KLRD1: variants seen among roughly 807,000 people sequenced by gnomAD.
KLRD1 encodes the protein natural killer cells antigen CD94.
A neutral mutation model predicts 22.6 loss-of-function variants in KLRD1; 21 were observed. The observed-to-expected ratio is 0.93, with a 90% confidence interval of 0.66 to 1.34. The LOEUF (loss-of-function observed/expected upper bound fraction) is 1.34, where lower values mean the gene tolerates loss of function less well. KLRD1 is among the 40% of genes most tolerant of loss of function. The probability of loss-of-function intolerance (pLI) is 0.00; values close to 1 mark genes in which losing one functional copy is unlikely to be tolerated. For synonymous variants in KLRD1, 59 were observed against 71.1 expected, an observed-to-expected ratio of 0.83 and a Z score of 0.85; for missense variants, 183 against 208.6, an observed-to-expected ratio of 0.88 and a Z score of 0.76.
chr12:10,326,818 A>G lies in KLRD1; in HGVS notation c.*12025A>G, dbSNP rs1157148402. On this transcript the variant is annotated 3_prime_UTR_variant, in exon 6 of 6. Coordinates refer to ENST00000336164, the MANE Select transcript of KLRD1 (RefSeq NM_002262.5). ...AATGGGAGGCAGTTTTGCCCTAAGCAGTTCCCAGCTTGAATTTTCCCTTTT... is the reference window on the plus strand; with the variant it reads ...AATGGGAGGCAGTTTTGCCCTAAGCGGTTCCCAGCTTGAATTTTCCCTTTT... The G allele has an allele frequency of 6.6e-6, 1 of 152,246 alleles. No individual in the cohort carries two copies. The highest frequency in any genetic ancestry group is 2.4e-5 in the African/African-American group (1 of 41,468). 9.4% of individuals were successfully genotyped at this position (152,246 alleles called of 1,614,324 possible). A position where few individuals can be genotyped will look rare whatever the true frequency, so the allele number is the denominator to read the frequency against.
intron 1 of KLRD1, among the ~76,000 whole-genome samples, chr12:10,246,509 C>T (rs7953558): frequency 0.75 from 114,376 of 152,038 alleles, 43,587 homozygotes; most frequent in East Asian, 1. Context: ...GGGTAGGAAA[C>T]ATGATTTGTG....
At position 10,239,453 on chromosome 12, in the gene KLRD1, C is replaced by CCTTATT. The variant is rs1565443111; in HGVS notation, c.-101+13223_-101+13224insATTCTT. ...CCTTCCTTTCCTTCCTTCCTTCCTT[C>CCTTATT]CTTCCTTCCTTCCTTCCTTCCTTCC... On this transcript the variant is annotated intron_variant, in intron 1 of 5. Transcript: ENST00000544747. 2.8e-3 allele frequency among the ~76,000 whole-genome samples: 62 copies of CCTTATT among 21,996 alleles called. 2 individuals are homozygous for CCTTATT. The highest frequency in any genetic ancestry group is 0.015 in the South Asian group (6 of 392). The allele number at this position is 21,996 out of a possible 152,430, so 14.4% of individuals were successfully genotyped here. A position where few individuals can be genotyped will look rare whatever the true frequency, so the allele number is the denominator to read the frequency against.
intron 1 of KLRD1, among the ~76,000 whole-genome samples, chr12:10,246,257 AT>A (rs548308541): frequency 0.017 from 2,526 of 151,362 alleles, 35 homozygotes; most frequent in Non-Finnish European, 0.024. Flanking sequence ...AATTGTGGGG[AT>A]TTTTTTTTCA....
chr12:10,261,012 C>A (rs1243412228), intron 1 of KLRD1, among the ~76,000 whole-genome samples: 1 of 152,042 alleles, frequency 6.6e-6, no homozygotes, highest in Non-Finnish European at 1.5e-5. Context: ...GGAGCAATTG[C>A]CTTAGCAAAT....
intron 1 of KLRD1, among the ~76,000 whole-genome samples, chr12:10,291,463 T>A (rs560780956): frequency 6.6e-6 from 1 of 152,304 alleles, no homozygotes; most frequent in Admixed American, 6.5e-5. Flanking sequence ...TTTTTTGTAA[T>A]ATTCTAAATT....
At chr12:10,274,895 CT>C (rs1258333062) in intron 1 of KLRD1, among the ~76,000 whole-genome samples, 3 of 151,660 alleles carry the variant, frequency 2.0e-5, no homozygotes, top group Non-Finnish European at 4.4e-5. Context: ...TGTTTTGTAT[CT>C]TTTTCTTTTT....
At position 10,315,681 on chromosome 12, in the gene KLRD1, A is replaced by G. The variant is rs551188685; in HGVS notation, c.*888A>G. 2 of 152,428 alleles carry G rather than the reference A, an allele frequency of 1.3e-5. No homozygotes were observed. The highest frequency in any genetic ancestry group is 3.9e-4 in the East Asian group (2 of 5,188). 9.4% of individuals were successfully genotyped at this position (152,428 alleles called of 1,614,324 possible). A position where few individuals can be genotyped will look rare whatever the true frequency, so the allele number is the denominator to read the frequency against. The stretch of plus-strand genomic sequence containing the variant: ...TTATCAATATTTTTTTCCACCAACT[A>G]TCCTATACCCCTGACCTCCTTTCAT... On this transcript the variant is annotated 3_prime_UTR_variant, in exon 6 of 6. Transcript: ENST00000336164.
chr12:10,274,736 T>C (rs1473358531), intron 1 of KLRD1, among the ~76,000 whole-genome samples: 2 of 151,344 alleles, frequency 1.3e-5, no homozygotes, highest in African/African-American at 4.8e-5. Flanking sequence ...TTTCAAAAAA[T>C]TATATTTAGT....
intron 1 of KLRD1, among the ~76,000 whole-genome samples, chr12:10,286,995 G>C (rs747494842): frequency 2.0e-5 from 3 of 151,994 alleles, no homozygotes; most frequent in Non-Finnish European, 4.4e-5. Context: ...ACAATTAGAC[G>C]GGCGTGGTGG....
Position 10,288,872 on chromosome 12 carries a change from T to C in KLRD1, c.-100-19106T>C, listed in dbSNP as rs1757643960. Among the ~76,000 whole-genome samples, 3 of 152,188 alleles carry C rather than the reference T, an allele frequency of 2.0e-5. No individual in the cohort carries two copies. In the South Asian group the frequency reaches 6.2e-4, roughly 31 times the overall value. The stretch of plus-strand genomic sequence containing the variant: ...TATAAAGTGTTTAATGCGTACCAAA[T>C]GAGTGTCTAGTCACAAAATGTTAGA... On this transcript the variant is annotated intron_variant, in intron 1 of 5. Coordinates refer to the KLRD1 transcript ENST00000544747.
chr12:10,271,722 CATACTT>C (rs1221300426), intron 1 of KLRD1, among the ~76,000 whole-genome samples: 20 of 152,092 alleles, frequency 1.3e-4, no homozygotes, highest in African/African-American at 4.3e-4. Context: ...TGTATATACA[CATACTT>C]ATATGATACA....
intron 1 of KLRD1, among the ~76,000 whole-genome samples, chr12:10,271,882 T>G (rs11053724): frequency 0.041 from 6,207 of 152,140 alleles, 195 homozygotes; most frequent in Non-Finnish European, 0.064. Context: ...TCTTAGTTCC[T>G]TATCTATAAT....
chr12:10,293,169 C>CATATATATATATATATATATAT (rs1565462121), intron 1 of KLRD1, among the ~76,000 whole-genome samples: 1 of 19,664 alleles, frequency 5.1e-5, no homozygotes, highest in Non-Finnish European at 1.4e-4. Flanking sequence ...TATATATATA[C>CATATATATATATATATATATAT]ACATATACAC....
At chr12:10,304,127 A>T (rs1338673107), upstream of KLRD1, among the ~76,000 whole-genome samples, 1 of 152,196 alleles carries the variant, frequency 6.6e-6, no homozygotes, top group Non-Finnish European at 1.5e-5. Flanking sequence ...TGCTTTACTC[A>T]TAATTTCAGT....
chr12:10,271,038 T>TCTC (rs1477194319), intron 1 of KLRD1, among the ~76,000 whole-genome samples: 1 of 151,598 alleles, frequency 6.6e-6, no homozygotes, highest in Non-Finnish European at 1.5e-5. Context: ...CCTGCCTTGG[T>TCTC]CTCCCAAAGA....
At chr12:10,299,527 T>C (rs2537783), upstream of KLRD1, among the ~76,000 whole-genome samples, 1,116 of 152,268 alleles carry the variant, frequency 7.3e-3, 16 homozygotes, top group African/African-American at 0.026. Context: ...CATTATGTCT[T>C]AAAAAACAGT....
intron 3 of KLRD1, among the ~76,000 whole-genome samples, chr12:10,310,830 A>G (rs1950048175): frequency 6.6e-6 from 1 of 152,218 alleles, no homozygotes; most frequent in African/African-American, 2.4e-5. Flanking sequence ...CATCTTCAGC[A>G]CTACTTATAT....
At chr12:10,262,382 T>A (rs556415931) in intron 1 of KLRD1, among the ~76,000 whole-genome samples, 3 of 152,208 alleles carry the variant, frequency 2.0e-5, no homozygotes, top group Admixed American at 2.0e-4. Context: ...CTTTGTCCCC[T>A]ACAGTCATTC....
At chr12:10,269,241 C>T (rs1334548226) in intron 1 of KLRD1, among the ~76,000 whole-genome samples, 1 of 152,106 alleles carries the variant, frequency 6.6e-6, no homozygotes. Context: ...ACCTTCACCT[C>T]CCAGGTTCAA....
Sources: gnomAD v4.1 joint callset for allele counts (sites outside exome capture counted in the v4.1 genomes callset) on GRCh38, gnomAD v4.1.1 for gene constraint, MANE v1.5 for transcripts, NCBI Gene and HGNC (gene_info 2026-07-23, HGNC 2026-07-21) for gene names.